AMOTL1: variants seen among roughly 807,000 people sequenced by gnomAD.
AMOTL1 encodes angiomotin-like protein 1.
AMOTL1 carries 45 observed loss-of-function variants against 102.9 expected under a neutral mutation model. The observed-to-expected ratio is 0.44, with a 90% CI of 0.34 to 0.56. The LOEUF is 0.56. Ranked by LOEUF, AMOTL1 falls within the 20% of genes least tolerant of loss-of-function variation. The probability of loss-of-function intolerance (pLI) is 0.01; values close to 1 mark genes in which losing one functional copy is unlikely to be tolerated. For synonymous variants in AMOTL1, 481 were observed against 484.7 expected (o/e 0.99, Z 0.10); for missense variants, 1,114 against 1,225.6 (o/e 0.91, Z 1.36).
intron 3 of AMOTL1, among the ~76,000 whole-genome samples, chr11:94,807,102 A>T (rs1277961931): frequency 6.6e-6 from 1 of 152,244 alleles, no homozygotes; most frequent in Non-Finnish European, 1.5e-5. Flanking sequence ...CGATAAATAA[A>T]ACATATTCAT....
chr11:94,868,667 A>G (rs1952930579), intron 11 of AMOTL1, among the ~76,000 whole-genome samples: 1 of 152,184 alleles, frequency 6.6e-6, no homozygotes, highest in African/African-American at 2.4e-5. Flanking sequence ...ATTGTGAACT[A>G]TTCAGAAGAG....
chr11:94,855,824 AAAC>A (rs1220459653), intron 8 of AMOTL1, among the ~76,000 whole-genome samples: 1 of 152,202 alleles, frequency 6.6e-6, no homozygotes, highest in Non-Finnish European at 1.5e-5. Flanking sequence ...AGGCAGGCAA[AAAC>A]AACATTCCTG....
At chr11:94,808,965 C>A (rs202221466) in intron 3 of AMOTL1, among the ~76,000 whole-genome samples, 5 of 111,912 alleles carry the variant, frequency 4.5e-5, no homozygotes, top group South Asian at 5.9e-4. Flanking sequence ...TTCTTTCTTT[C>A]TTTTTTTTTT....
At chr11:94,747,939 C>A (rs1451861017) in intron 3 of AMOTL1, among the ~76,000 whole-genome samples, 2 of 152,144 alleles carry the variant, frequency 1.3e-5, no homozygotes, top group South Asian at 2.1e-4. Context: ...TACAGCCTCA[C>A]CCAGATGGAA....
At chr11:94,740,345 T>A (rs1950500698) in intron 2 of AMOTL1, 1 of 152,178 alleles carries the variant, frequency 6.6e-6, no homozygotes, top group Non-Finnish European at 1.5e-5. Flanking sequence ...CGGGTTATGC[T>A]CTGATTTTTT....
chr11:94,768,351 G>T (rs900853775), upstream of AMOTL1: 24 of 1,382,760 alleles, frequency 1.7e-5, no homozygotes, highest in Non-Finnish European at 2.2e-5. Flanking sequence ...GCGGACGGCG[G>T]CGGGAGCGCG....
intron 1 of AMOTL1, among the ~76,000 whole-genome samples, chr11:94,774,522 G>T (rs1476929243): frequency 6.6e-6 from 1 of 152,186 alleles, no homozygotes; most frequent in Non-Finnish European, 1.5e-5. Flanking sequence ...TGATGACCAA[G>T]TTGTTTACTT....
At chr11:94,817,321 T>C (rs1404698006) in intron 3 of AMOTL1, among the ~76,000 whole-genome samples, 1 of 152,190 alleles carries the variant, frequency 6.6e-6, no homozygotes, top group Non-Finnish European at 1.5e-5. Flanking sequence ...AAACTTTTTA[T>C]ATTTGACACA....
chr11:94,772,281 G>A (rs371130140), intron 1 of AMOTL1, among the ~76,000 whole-genome samples: 85 of 152,218 alleles, frequency 5.6e-4, no homozygotes, highest in African/African-American at 2.0e-3. Flanking sequence ...GTAGATTCAT[G>A]TAACCGCTAC....
At chr11:94,856,454 T>C (rs1474316441) in intron 8 of AMOTL1, among the ~76,000 whole-genome samples, 2 of 138,730 alleles carry the variant, frequency 1.4e-5, no homozygotes, top group East Asian at 1.9e-4. Context: ...TGTGGGCTGG[T>C]CTGGGGGGCA....
intron 2 of AMOTL1, chr11:94,796,914 C>A: frequency 4.3e-6 from 3 of 702,910 alleles, no homozygotes; most frequent in Non-Finnish European, 5.2e-6. Context: ...ATGTATATAT[C>A]TTGTATATAA....
At chr11:94,739,635 C>T (rs1950488012) in intron 2 of AMOTL1, among the ~76,000 whole-genome samples, 1 of 152,130 alleles carries the variant, frequency 6.6e-6, no homozygotes, top group South Asian at 2.1e-4. Context: ...AGGAGGCTGC[C>T]CAGACTGTTG....
intron 3 of AMOTL1, among the ~76,000 whole-genome samples, chr11:94,748,249 C>G (rs1169898379): frequency 2.6e-5 from 4 of 152,182 alleles, no homozygotes; most frequent in Non-Finnish European, 1.5e-5. Flanking sequence ...ACTATATCCT[C>G]AAAAGTAATT....
rs1952507697 is a variant in AMOTL1 at position 94,850,289 on chromosome 11, G to C, written c.1794+30G>C. On this transcript the variant is annotated intron_variant, in intron 7 of 12. Coordinates refer to ENST00000433060, the MANE Select transcript of AMOTL1 (RefSeq NM_130847.3). The stretch of plus-strand genomic sequence containing the variant: ...GACCAGGCTGTGGGGATTTGGTGGG[G>C]AAGAGGGCAAGCAGAGCCCAGAGGG... 3 of 1,576,500 alleles carry C rather than the reference G, an allele frequency of 1.9e-6. No homozygotes were observed. The South Asian group carries it at 3.5e-5, about 19-fold the overall frequency.
intron 9 of AMOTL1, among the ~76,000 whole-genome samples, chr11:94,861,005 G>T (rs997731535): frequency 1.3e-5 from 2 of 152,214 alleles, no homozygotes; most frequent in African/African-American, 4.8e-5. Context: ...CCATTCGGGC[G>T]TTGGTGTCTG....
upstream of AMOTL1, among the ~76,000 whole-genome samples, chr11:94,765,377 G>A (rs577946593): frequency 6.6e-5 from 10 of 152,288 alleles, no homozygotes; most frequent in South Asian, 2.1e-3. Flanking sequence ...ACTGAAAGAT[G>A]TTATTGATAA....
At chr11:94,842,668 T>G (rs979529619) in intron 6 of AMOTL1, among the ~76,000 whole-genome samples, 1 of 152,252 alleles carries the variant, frequency 6.6e-6, no homozygotes, top group African/African-American at 2.4e-5. Flanking sequence ...TTTGTCTCTT[T>G]TGTAATGACT....
chr11:94,750,407 G>A (rs1480973506), intron 3 of AMOTL1, among the ~76,000 whole-genome samples: 1 of 152,180 alleles, frequency 6.6e-6, no homozygotes, highest in Non-Finnish European at 1.5e-5. Context: ...GCTTACTTGA[G>A]AGCCTGACTG....
intron 1 of AMOTL1, among the ~76,000 whole-genome samples, chr11:94,717,868 T>G (rs1447265255): frequency 1.3e-5 from 2 of 151,676 alleles, no homozygotes; most frequent in African/African-American, 4.8e-5. Context: ...GAACAGGCTG[T>G]TCAGAAGAAA....
Sources: gnomAD v4.1 joint callset for allele counts (sites outside exome capture counted in the v4.1 genomes callset) on GRCh38, gnomAD v4.1.1 for gene constraint, MANE v1.5 for transcripts, NCBI Gene and HGNC (gene_info 2026-07-23, HGNC 2026-07-21) for gene names.